The following INPPL1 variants were observed in gnomAD, a reference collection of about 807,000 sequenced individuals.
INPPL1 encodes inositol polyphosphate phosphatase like 1, also known as phosphatidylinositol 3,4,5-trisphosphate 5-phosphatase 2.
Under a neutral mutation model 139.3 loss-of-function variants are expected in INPPL1, and 91 were observed. That is an observed-to-expected ratio of 0.65 (90% CI 0.55 to 0.78). The LOEUF (loss-of-function observed/expected upper bound fraction) is 0.78, where lower values mean the gene tolerates loss of function less well. Ranked by LOEUF, INPPL1 falls within the 30% of genes least tolerant of loss-of-function variation. The pLI, the probability that INPPL1 is intolerant of heterozygous loss-of-function variation, is 0.00. For synonymous variants in INPPL1, 719 were observed against 686.6 expected (o/e 1.05, Z -0.74); for missense variants, 1,411 against 1,665.6 (o/e 0.85, Z 2.66).
Position 72,237,532 on chromosome 11 carries a change from G to A in INPPL1, c.3288G>A (p.Arg1096=), listed in dbSNP as rs764819603. The change falls in exon 26 of 28, where the codon AGG becomes AGA. Residue 1096 remains arginine (R), a synonymous_variant. Coordinates refer to ENST00000298229, the MANE Select transcript of INPPL1 (RefSeq NM_001567.4). ...RGPPPPKAHP[R]PPLPPGPSPA... ...CACCACCTCCCAAGGCCCATCCAAG[G>A]CCTCCACTGCCCCCAGGCCCCTCAC... 3 of 1,605,628 alleles carry A rather than the reference G, an allele frequency of 1.9e-6. No individual in the cohort carries two copies. Among genetic ancestry groups the A allele is most frequent in the Non-Finnish European group, 2.6e-6 (3 of 1,174,632 alleles).
rs372192876 is a variant in INPPL1 at position 72,229,077 on chromosome 11, C to A, written c.519-13C>A. The A allele has an allele frequency of 1.3e-6, 2 of 1,599,020 alleles. No homozygotes were observed. Among genetic ancestry groups the A allele is most frequent in the East Asian group, 4.5e-5 (2 of 44,710 alleles). ...AGCAGGACCTCCACTGACTTCTTAACCCCTCCCCAAAGTGCTCCCAATGGG... is the reference window on the plus strand; with the variant it reads ...AGCAGGACCTCCACTGACTTCTTAAACCCTCCCCAAAGTGCTCCCAATGGG... On this transcript the variant is annotated splice_polypyrimidine_tract_variant and intron_variant, in intron 4 of 27. Transcript: ENST00000298229.
At chr11:72,237,889 C>G in intron 26 of INPPL1, 93 bp downstream of exon 26, 1 of 1,471,036 alleles carries the variant, frequency 6.8e-7, no homozygotes, top group East Asian at 2.5e-5. Context: ...CTCATGGTGT[C>G]CCTGCTACCC....
At chr11:72,227,647 C>T (rs1948710332) in intron 1 of INPPL1, among the ~76,000 whole-genome samples, 2 of 152,198 alleles carry the variant, frequency 1.3e-5, no homozygotes, top group African/African-American at 4.8e-5. Context: ...CCTAGAGGCC[C>T]AGGTCTCCCA....
Position 72,229,200 on chromosome 11 carries a change from C to T in INPPL1, c.629C>T (p.Thr210Ile), listed in dbSNP as rs756974359. 10 of 1,612,574 alleles carry T rather than the reference C, an allele frequency of 6.2e-6. No homozygotes were observed. The highest frequency in any genetic ancestry group is 2.2e-5 in the South Asian group (2 of 90,930). Residue 210 changes from threonine (T) to isoleucine (I), a missense_variant, in exon 5 of 28, where the codon ACC (threonine) becomes ATC (isoleucine). By Grantham distance (89) the Thr-to-Ile change is moderately conservative. Around this residue, in one of 5 missense-constraint regions of INPPL1, gnomAD observed 504 missense variants for 595.6 expected, o/e 0.85. Coordinates refer to ENST00000298229, the MANE Select transcript of INPPL1 (RefSeq NM_001567.4). Reference protein sequence around the residue: ...GASHLPHLTRTLATSCRRLHS... With the variant: ...GASHLPHLTRILATSCRRLHS... ...AGCCACCTGCCCCACCTCACCCGTA[C>T]CCTCGCTACCTCATGCCGGAGGCTG...
Position 72,230,451 on chromosome 11 carries a change from A to G in INPPL1, c.1180A>G (p.Ile394Val). ...EKDRTQRKDF[I>V]FVSARKREAF... ...GGACCGGACTCAGCGCAAGGACTTC[A>G]TCTTTGTCAGTGCCCGGGTGAGCAG... Residue 394 changes from isoleucine (I) to valine (V), a missense_variant, in exon 10 of 28, where the codon ATC (isoleucine) becomes GTC (valine). This residue lies in a region of INPPL1 where 504 missense variants were observed against 595.6 expected (regional missense o/e 0.85). Transcript: ENST00000298229. 6.2e-7 allele frequency: 1 copy of G among 1,613,894 alleles called. No individual in the cohort carries two copies.
At position 72,238,498 on chromosome 11, in the gene INPPL1, T is replaced by C; in HGVS notation, c.*145T>C. On this transcript the variant is annotated 3_prime_UTR_variant, in exon 28 of 28. Transcript: ENST00000298229. The stretch of plus-strand genomic sequence containing the variant: ...GGTGCCTATTTATTGGGGATCTGCA[T>C]TCCCCGCTGCCCAATCATTTGCAAT... The C allele has an allele frequency of 1.6e-6, 1 of 610,300 alleles. No homozygotes were observed. The highest frequency in any genetic ancestry group is 2.8e-5 in the South Asian group (1 of 35,934). The allele number at this position is 610,300 out of a possible 1,614,324, so 37.8% of individuals were successfully genotyped here. A position where few individuals can be genotyped will look rare whatever the true frequency, so the allele number is the denominator to read the frequency against.
Position 72,233,686 on chromosome 11 carries a change from T to C in INPPL1, c.2154T>C (p.His718=). ...CTGATGACATCGTCACCAGCGACCA[T>C]TCCCCCGTGTTTGGGACATTTGAGG... ...GCTDDIVTSD[H]SPVFGTFEVG... Residue 718 remains histidine (H), a synonymous_variant, in exon 19 of 28, where the codon CAT becomes CAC. Transcript: ENST00000298229. 2 of 1,614,146 alleles carry C rather than the reference T, an allele frequency of 1.2e-6. No individual in the cohort carries two copies. The highest frequency in any genetic ancestry group is 8.5e-7 in the Non-Finnish European group (1 of 1,180,004).
chr11:72,230,657 A>T, intron 10 of INPPL1, 139 bp from the exon 11 acceptor site: 1 of 846,696 alleles, frequency 1.2e-6, no homozygotes, highest in Non-Finnish European at 1.9e-6. Flanking sequence ...CAGCACTGTT[A>T]TATGCTTGAG....
intron 10 of INPPL1, 45 bp from the exon 11 acceptor site, chr11:72,230,751 C>T (rs768091385): frequency 2.6e-6 from 4 of 1,543,944 alleles, no homozygotes; most frequent in Non-Finnish European, 1.8e-6. Flanking sequence ...GGACGGGGGG[C>T]TTCCTGGATG....
Position 72,232,650 on chromosome 11 carries a change from C to T in INPPL1, c.1737C>T (p.Ile579=), listed in dbSNP as rs774231998. Residue 579 remains isoleucine (I), a synonymous_variant, in exon 15 of 28, where the codon ATC becomes ATT. Coordinates refer to ENST00000298229, the MANE Select transcript of INPPL1 (RefSeq NM_001567.4). ...GGAGGAACCAAAACTACTTGGACATCCTGCGGCTGCTCTCGCTGGGCGACC... is the reference window on the plus strand; with the variant it reads ...GGAGGAACCAAAACTACTTGGACATTCTGCGGCTGCTCTCGCTGGGCGACC... The part of the protein sequence containing the change: ...TARRNQNYLD[I]LRLLSLGDRQ... The T allele has an allele frequency of 4.3e-6, 7 of 1,613,856 alleles. No individual in the cohort carries two copies. The African/African-American group carries it at 5.3e-5, about 12-fold the overall frequency.
chr11:72,238,384 G>A lies in INPPL1; in HGVS notation c.*31G>A, dbSNP rs767786572. ...GAGGCACCACGAAGCTGTGAACTCA[G>A]AGCCCCTCCCTGCTACCAAGGCCCA... is the stretch of plus-strand genomic sequence containing the variant. On this transcript the variant is annotated 3_prime_UTR_variant, in exon 28 of 28. Transcript: ENST00000298229. 6.7e-7 allele frequency: 1 copy of A among 1,503,016 alleles called. No individual in the cohort carries two copies. The highest frequency in any genetic ancestry group is 2.3e-5 in the Admixed American group (1 of 43,624). 93.1% of individuals were successfully genotyped at this position (1,503,016 alleles called of 1,614,324 possible).
rs1220135675 is a variant in INPPL1, at chr11:72,235,040, G to A, written c.2416-76G>A. On this transcript the variant is annotated intron_variant, in intron 21 of 27. Transcript: ENST00000298229. The surrounding 1 kb of genome is among the most constrained non-coding windows in gnomAD (Gnocchi z 4.9). ...GACCTGAGGGTGGGGATTGAGTGGT[G>A]TCAGGGGGCAGCGCGTAGGAGGGGC... The A allele has an allele frequency of 8.2e-7, 1 of 1,216,296 alleles. No individual in the cohort carries two copies. The highest frequency in any genetic ancestry group is 2.4e-5 in the East Asian group (1 of 42,128). The allele number at this position is 1,216,296 out of a possible 1,614,324, so 75.3% of individuals were successfully genotyped here. A position where few individuals can be genotyped will look rare whatever the true frequency, so the allele number is the denominator to read the frequency against.
rs762050147 is a variant in INPPL1 at position 72,228,313 on chromosome 11, G to T, written c.247-35G>T. 1 of 1,614,008 alleles carries T rather than the reference G, an allele frequency of 6.2e-7. No homozygotes were observed. The highest frequency in any genetic ancestry group is 8.5e-7 in the Non-Finnish European group (1 of 1,179,946). On this transcript the variant is annotated intron_variant, in intron 2 of 27. Transcript: ENST00000298229. This position sits in a 1 kb window ranked among gnomAD's most constrained non-coding sequence, Gnocchi z 5.0. ...CCAGCCTAGGGCTTGGGGACCTGCT[G>T]GCTGACCCTTCCTCCCACCCTTGCT...
rs769645440 is a variant in INPPL1 at position 72,228,368 on chromosome 11, G to A, written c.267G>A (p.Val89=). Residue 89 remains valine (V), a synonymous_variant, in exon 3 of 28, where the codon GTG becomes GTA. Coordinates refer to ENST00000298229, the MANE Select transcript of INPPL1 (RefSeq NM_001567.4). This position sits in a 1 kb window ranked among gnomAD's most constrained non-coding sequence, Gnocchi z 5.0. ...LAVQTSQGVP[V]RRFQTLGELI... ...CACAGACCTCGCAGGGTGTGCCTGTGCGCCGCTTCCAGACCCTGGGTGAGC... is the reference window on the plus strand; with the variant it reads ...CACAGACCTCGCAGGGTGTGCCTGTACGCCGCTTCCAGACCCTGGGTGAGC... The A allele has an allele frequency of 2.4e-5, 38 of 1,613,478 alleles. No homozygotes were observed. The South Asian group carries it at 3.1e-4, about 13-fold the overall frequency.
At chr11:72,236,039 T>G in intron 25 of INPPL1, 53 bp downstream of exon 25, 1 of 925,644 alleles carries the variant, frequency 1.1e-6, no homozygotes, top group Non-Finnish European at 1.6e-6. Flanking sequence ...CCTCTATCCA[T>G]CACTATCCCC....
Position 72,225,008 on chromosome 11 carries a change from GGGCCCGGGGGGCGCCCTGGGCAGCCA to G in INPPL1, c.30_55del (p.Gly11LeufsTer55). The G allele has an allele frequency of 8.3e-7, 1 of 1,208,268 alleles. No homozygotes were observed. The highest frequency in any genetic ancestry group is 1.0e-6 in the Non-Finnish European group (1 of 973,226). The allele number at this position is 1,208,268 out of a possible 1,614,324, so 74.8% of individuals were successfully genotyped here. A position where few individuals can be genotyped will look rare whatever the true frequency, so the allele number is the denominator to read the frequency against. The stretch of plus-strand genomic sequence containing the variant: ...CCATGGCCTCGGCCTGCGGGGCGCC[GGGCCCGGGGGGCGCCCTGGGCAGCCA>G]GGCCCCCTCCTGGTACCACCGCGAC... On this transcript the variant is annotated frameshift_variant, in exon 1 of 28. Coordinates refer to ENST00000298229, the MANE Select transcript of INPPL1 (RefSeq NM_001567.4). LOFTEE classifies it high-confidence loss of function.
chr11:72,237,267 CT>C lies in INPPL1; in HGVS notation c.3024del (p.Val1009SerfsTer122). 6 of 1,614,046 alleles carry C rather than the reference CT, an allele frequency of 3.7e-6. No individual in the cohort carries two copies. Among genetic ancestry groups the C allele is most frequent in the Non-Finnish European group, 5.1e-6 (6 of 1,180,018 alleles). Reference protein sequence around the residue: ...PPEPPSPARAPVPSATKNKVA... With the variant: ...PPEPPSPARAXVPSATKNKVA... ...GAGCCACCCTCGCCTGCCAGGGCCC[CT>C]GTCCCATCTGCCACCAAGAACAAAG... is the stretch of plus-strand genomic sequence containing the variant. On this transcript the variant is annotated frameshift_variant, in exon 26 of 28. Coordinates refer to ENST00000298229, the MANE Select transcript of INPPL1 (RefSeq NM_001567.4). LOFTEE classifies it high-confidence loss of function.
Position 72,233,171 on chromosome 11 carries a change from A to C in INPPL1, c.2040+8A>C, listed in dbSNP as rs200891334. 4 of 1,612,794 alleles carry C rather than the reference A, an allele frequency of 2.5e-6. No homozygotes were observed. The highest frequency in any genetic ancestry group is 1.7e-5 in the Admixed American group (1 of 59,930). On this transcript the variant is annotated splice_region_variant and intron_variant, in intron 17 of 27. Transcript: ENST00000298229. The stretch of plus-strand genomic sequence containing the variant: ...AAGCAGAAGCCAACTGGGGTGAGCC[A>C]AGAAAACGGCATGGGCCTTGGGGGA...
At chr11:72,226,526 C>A (rs1344165106) in intron 1 of INPPL1, among the ~76,000 whole-genome samples, 1 of 152,096 alleles carries the variant, frequency 6.6e-6, no homozygotes, top group Non-Finnish European at 1.5e-5. Flanking sequence ...CTATTGACAT[C>A]TAGTGGGTAG....
Sources: gnomAD v4.1 joint callset for allele counts (sites outside exome capture counted in the v4.1 genomes callset) on GRCh38, gnomAD v4.1.1 for gene constraint, gnomAD v4.1.1 regional missense constraint, Gnocchi (gnomAD v3.1) non-coding constraint, MANE v1.5 for transcripts, NCBI Gene and HGNC (gene_info 2026-07-23, HGNC 2026-07-21) for gene names.